Variants in NOVA1 observed in about 807,000 individuals in gnomAD.
NOVA1 encodes the protein RNA-binding protein Nova-1.
NOVA1 carries 7 observed loss-of-function variants against 38.0 expected under a neutral mutation model. That is an observed-to-expected ratio of 0.18 (90% CI 0.10 to 0.35). The LOEUF (loss-of-function observed/expected upper bound fraction) is 0.35. NOVA1 is among the 10% of genes least tolerant of loss of function. The probability of loss-of-function intolerance (pLI) is 1.00; values close to 1 mark genes in which losing one functional copy is unlikely to be tolerated. For missense variants in NOVA1, 460 were observed against 616.0 expected (o/e 0.75, Z 2.68); for synonymous variants, 270 against 232.5 (o/e 1.16, Z -1.47).
chr14:26,572,725 AGTGTGT>A (rs56021646), intron 2 of NOVA1, among the ~76,000 whole-genome samples: 29,488 of 138,394 alleles, frequency 0.21, 3,056 homozygotes, highest in East Asian at 0.35. Context: ...AAGGAACCGC[AGTGTGT>A]GTGTGTGTGT....
chr14:26,585,868 T>C (rs1201893369), intron 2 of NOVA1, among the ~76,000 whole-genome samples: 1 of 151,376 alleles, frequency 6.6e-6, no homozygotes, highest in Non-Finnish European at 1.5e-5. Flanking sequence ...CATTTCTTGT[T>C]CATTTAAATT....
At chr14:26,470,554 A>AG (rs1386863091) in intron 4 of NOVA1, 18 of 1,103,954 alleles carry the variant, frequency 1.6e-5, no homozygotes, top group Non-Finnish European at 1.8e-5. Context: ...AGTGGACAGA[A>AG]TATAAAATTA....
intron 4 of NOVA1, among the ~76,000 whole-genome samples, chr14:26,463,891 A>T (rs982062013): frequency 6.6e-6 from 1 of 152,216 alleles, no homozygotes; most frequent in African/African-American, 2.4e-5. Flanking sequence ...TTAATAATGA[A>T]TTAAAATTAC....
intron 2 of NOVA1, among the ~76,000 whole-genome samples, chr14:26,545,426 T>C (rs578019173): frequency 3.9e-5 from 6 of 152,098 alleles, no homozygotes; most frequent in Non-Finnish European, 8.8e-5. Flanking sequence ...AAAGAAAGCA[T>C]GATATATCCT....
At chr14:26,527,846 G>C (rs1013551600) in intron 2 of NOVA1, among the ~76,000 whole-genome samples, 2 of 152,152 alleles carry the variant, frequency 1.3e-5, no homozygotes, top group African/African-American at 4.8e-5. Flanking sequence ...ACCCAGCAGT[G>C]AGCAGATATT....
intron 2 of NOVA1, among the ~76,000 whole-genome samples, chr14:26,591,156 TA>T (rs1476033411): frequency 5.3e-5 from 8 of 151,496 alleles, no homozygotes; most frequent in Middle Eastern, 3.4e-3. Flanking sequence ...AATAAAGTAT[TA>T]AAAAAAATTA....
chr14:26,500,098 G>T (rs1445443704), intron 2 of NOVA1, among the ~76,000 whole-genome samples: 3 of 151,984 alleles, frequency 2.0e-5, no homozygotes, highest in African/African-American at 7.2e-5. Flanking sequence ...TACCAGAGAA[G>T]TGTTACCTGG....
chr14:26,561,219 A>G (rs1891802290), intron 2 of NOVA1, among the ~76,000 whole-genome samples: 1 of 152,228 alleles, frequency 6.6e-6, no homozygotes, highest in African/African-American at 2.4e-5. Context: ...AGCAGGCCAC[A>G]GACCGGACCA....
rs141059341 is a variant in NOVA1 at position 26,595,549 on chromosome 14, G to A, written c.141C>T (p.Asp47=). 101 of 1,611,034 alleles carry A rather than the reference G, an allele frequency of 6.3e-5. No homozygotes were observed. The highest frequency in any genetic ancestry group is 7.6e-5 in the Non-Finnish European group (90 of 1,179,050). ...GSTKRTNTGE[D]GQYFLKVLIP... is the part of the protein sequence containing the mutation. ...TGAGAACCTTTAGAAAATACTGGCC[G>A]TCTTCTGAAAAATGCAAAGAAATAT... The change falls in exon 2 of 5, where the codon GAC becomes GAT. Residue 47 remains aspartate (D), a synonymous_variant. Coordinates refer to ENST00000539517, the MANE Select transcript of NOVA1 (RefSeq NM_002515.3).
At chr14:26,519,623 T>C (rs1176972361) in intron 2 of NOVA1, 2 of 152,120 alleles carry the variant, frequency 1.3e-5, no homozygotes, top group African/African-American at 2.4e-5. Flanking sequence ...AAGTAACTCT[T>C]GAAATGATAA....
At chr14:26,479,175 C>T (rs375633253) in intron 3 of NOVA1, 1 of 151,778 alleles carries the variant, frequency 6.6e-6, no homozygotes, top group African/African-American at 2.4e-5. Context: ...AGTAAAATTA[C>T]GTCACAAATT....
chr14:26,476,321 T>C (rs1353392114), intron 3 of NOVA1, among the ~76,000 whole-genome samples: 1 of 149,812 alleles, frequency 6.7e-6, no homozygotes, highest in African/African-American at 2.4e-5. Context: ...AGTGACTTCT[T>C]TTTTTTCCCC....
chr14:26,523,195 G>A (rs1055546408), intron 2 of NOVA1, among the ~76,000 whole-genome samples: 1 of 152,154 alleles, frequency 6.6e-6, no homozygotes, highest in Non-Finnish European at 1.5e-5. Context: ...CACTGTGGTT[G>A]CAGCCTCATT....
At chr14:26,514,554 T>C (rs1443800368) in intron 2 of NOVA1, among the ~76,000 whole-genome samples, 2 of 151,846 alleles carry the variant, frequency 1.3e-5, no homozygotes, top group African/African-American at 4.8e-5. Flanking sequence ...TGCTTAAGGT[T>C]CATTCTTCTC....
chr14:26,556,002 C>T (rs1329209298), intron 2 of NOVA1, among the ~76,000 whole-genome samples: 1 of 152,000 alleles, frequency 6.6e-6, no homozygotes, highest in Non-Finnish European at 1.5e-5. Flanking sequence ...TGAAAGAAAT[C>T]AAAGACAATC....
chr14:26,541,346 A>C (rs1890454968), intron 2 of NOVA1, among the ~76,000 whole-genome samples: 1 of 151,922 alleles, frequency 6.6e-6, no homozygotes, highest in South Asian at 2.1e-4. Flanking sequence ...AGAACAAGGT[A>C]TATGAAAAAA....
intron 1 of NOVA1, chr14:26,595,877 G>T (rs2138830964): frequency 2.8e-6 from 1 of 352,980 alleles, no homozygotes; most frequent in South Asian, 2.5e-5. Flanking sequence ...TTCTATCTGT[G>T]GCAAAATGAA....
At chr14:26,517,156 C>A (rs1303359141) in intron 2 of NOVA1, among the ~76,000 whole-genome samples, 1 of 152,074 alleles carries the variant, frequency 6.6e-6, no homozygotes, top group African/African-American at 2.4e-5. Flanking sequence ...CCGCCTGCCT[C>A]GGCCTCCCAA....
At chr14:26,543,979 T>C (rs1011509067) in intron 2 of NOVA1, among the ~76,000 whole-genome samples, 1 of 151,954 alleles carries the variant, frequency 6.6e-6, no homozygotes, top group Non-Finnish European at 1.5e-5. Flanking sequence ...CACTCAGAAT[T>C]TAGTCTATGA....
Sources: allele counts gnomAD v4.1 joint callset (sites outside exome capture counted in the v4.1 genomes callset), GRCh38; gene constraint gnomAD v4.1.1; transcripts MANE v1.5; gene names NCBI Gene and HGNC (gene_info 2026-07-23, HGNC 2026-07-21).